NFIB: variants seen among roughly 807,000 people sequenced by gnomAD.
NFIB encodes nuclear factor 1 B-type.
A neutral mutation model predicts 61.5 loss-of-function variants in NFIB; 11 were observed. That is an observed-to-expected ratio of 0.18 (90% CI 0.11 to 0.30). The LOEUF (loss-of-function observed/expected upper bound fraction) is 0.30. Among genes scored for constraint, NFIB ranks in the 10% least tolerant of loss-of-function variants. The pLI is 1.00. For missense variants in NFIB, 471 were observed against 608.9 expected (o/e 0.77, Z 2.38); for synonymous variants, 260 against 216.5 (o/e 1.20, Z -1.76).
chr9:14,140,391 G>A (rs986733814), intron 6 of NFIB, among the ~76,000 whole-genome samples: 3 of 152,012 alleles, frequency 2.0e-5, no homozygotes, highest in African/African-American at 7.3e-5. Context: ...CCAAAGTTTG[G>A]GCCTAGGATT....
At chr9:14,217,522 T>A (rs2051064556) in intron 2 of NFIB, among the ~76,000 whole-genome samples, 2 of 151,548 alleles carry the variant, frequency 1.3e-5, no homozygotes, top group Non-Finnish European at 2.9e-5. Context: ...TGGCTGGGCG[T>A]GGTGGCGCAT....
the NFIB span, among the ~76,000 whole-genome samples, chr9:14,426,842 G>A: frequency 6.6e-6 from 1 of 152,132 alleles, no homozygotes; most frequent in Non-Finnish European, 1.5e-5. Context: ...TCCTGAAGAT[G>A]CAAAGCTCTC....
At chr9:14,284,029 T>C (rs143558339) in intron 2 of NFIB, among the ~76,000 whole-genome samples, 7 of 152,118 alleles carry the variant, frequency 4.6e-5, no homozygotes, top group Non-Finnish European at 5.9e-5. Flanking sequence ...ACTGGAGAAG[T>C]AGTGGGAGTG....
intron 1 of NFIB, among the ~76,000 whole-genome samples, chr9:14,355,825 C>T (rs548275536): frequency 3.3e-5 from 5 of 152,064 alleles, no homozygotes; most frequent in Non-Finnish European, 5.9e-5. Context: ...GTCGTGGTGG[C>T]GGGTGCCTGT....
At chr9:14,530,604 C>A in the NFIB span, among the ~76,000 whole-genome samples, 1 of 152,088 alleles carries the variant, frequency 6.6e-6, no homozygotes, top group East Asian at 1.9e-4. Flanking sequence ...TGAGCTTTCA[C>A]GAGACGCCTA....
chr9:14,502,170 C>T, the NFIB span, among the ~76,000 whole-genome samples: 2 of 152,204 alleles, frequency 1.3e-5, no homozygotes, highest in Non-Finnish European at 2.9e-5. Context: ...TGTAGGGCAG[C>T]ACTCTGTAAT....
chr9:14,343,724 G>A (rs113652261), intron 1 of NFIB, among the ~76,000 whole-genome samples: 185 of 152,044 alleles, frequency 1.2e-3, no homozygotes, highest in African/African-American at 4.3e-3. Flanking sequence ...ACAGGGAGGA[G>A]GGGGCTGGCC....
chr9:14,201,686 C>T (rs920533575), intron 2 of NFIB, among the ~76,000 whole-genome samples: 2 of 151,962 alleles, frequency 1.3e-5, no homozygotes, highest in African/African-American at 2.4e-5. Flanking sequence ...TCCCAACTTA[C>T]CCTGAATAAT....
chr9:14,391,121 T>G (rs989676818), intron 1 of NFIB, among the ~76,000 whole-genome samples: 1 of 152,202 alleles, frequency 6.6e-6, no homozygotes, highest in African/African-American at 2.4e-5. Flanking sequence ...ACATTTTCTT[T>G]TAAAGAGTAA....
chr9:14,427,602 T>A, the NFIB span, among the ~76,000 whole-genome samples: 94 of 152,252 alleles, frequency 6.2e-4, 1 homozygote, highest in Admixed American at 2.0e-3. Context: ...GGAGCTCAGC[T>A]TGGAAGCCCA....
the NFIB span, among the ~76,000 whole-genome samples, chr9:14,436,225 G>A: frequency 6.6e-6 from 1 of 152,188 alleles, no homozygotes; most frequent in Non-Finnish European, 1.5e-5. Flanking sequence ...CATGGCCTCA[G>A]CCTGTTATAA....
intron 2 of NFIB, among the ~76,000 whole-genome samples, chr9:14,197,768 T>C (rs1296331068): frequency 6.6e-6 from 1 of 152,178 alleles, no homozygotes; most frequent in Non-Finnish European, 1.5e-5. Context: ...TGCAGCGCTT[T>C]AGCAAATTTT....
chr9:14,146,447 G>A lies in NFIB; in HGVS notation c.925+242C>T, dbSNP rs559959699. Reference sequence around the variant, plus strand: ...ATAATCAGTCACATACATAATTGTGGGTTCTAAAATATCATTTTGTCTAAA... The same window carrying A: ...ATAATCAGTCACATACATAATTGTGAGTTCTAAAATATCATTTTGTCTAAA... On this transcript the variant is annotated intron_variant, in intron 6 of 10. Transcript: ENST00000380953. Among the ~76,000 whole-genome samples the A allele has an allele frequency of 1.3e-4, 19 of 151,892 alleles. No individual in the cohort carries two copies. The South Asian group carries it at 3.5e-3, about 28-fold the overall frequency.
intron 10 of NFIB, among the ~76,000 whole-genome samples, chr9:14,091,998 C>T (rs1304143374): frequency 6.6e-6 from 1 of 152,088 alleles, no homozygotes; most frequent in Non-Finnish European, 1.5e-5. Flanking sequence ...AAATGTATGA[C>T]ATGGCTCCCC....
rs1350965735 is a variant in NFIB at position 14,329,526 on chromosome 9, C to T, written c.109-22006G>A. Among the ~76,000 whole-genome samples the T allele has an allele frequency of 1.3e-5, 2 of 151,748 alleles. 1 individual carries two copies. Among genetic ancestry groups the T allele is most frequent in the Admixed American group, 1.3e-4 (2 of 15,258 alleles). Reference sequence around the variant, plus strand: ...CTTGTCTTTCTCTTTTTCTTTTTTTCTTTTTTAAGACGGAGTCTCACTCTG... The same window carrying T: ...CTTGTCTTTCTCTTTTTCTTTTTTTTTTTTTTAAGACGGAGTCTCACTCTG... On this transcript the variant is annotated intron_variant, in intron 1 of 8. Coordinates refer to the NFIB transcript ENST00000380934.
At chr9:14,308,568 C>T (rs961746761) in intron 1 of NFIB, among the ~76,000 whole-genome samples, 1 of 152,220 alleles carries the variant, frequency 6.6e-6, no homozygotes, top group African/African-American at 2.4e-5. Context: ...TTGGCACCAA[C>T]TTTACATTCT....
intron 2 of NFIB, 113 bp downstream of exon 2, chr9:14,306,876 G>A: frequency 7.7e-7 from 1 of 1,296,924 alleles, no homozygotes; most frequent in East Asian, 2.3e-5. Context: ...ACCCAGAGAG[G>A]GTGGAGGATA....
chr9:14,290,576 C>T (rs2059024517), intron 2 of NFIB, among the ~76,000 whole-genome samples: 1 of 152,068 alleles, frequency 6.6e-6, no homozygotes, highest in African/African-American at 2.4e-5. Context: ...AACATTAAAA[C>T]TCACAGCAAG....
the NFIB span, among the ~76,000 whole-genome samples, chr9:14,433,141 T>C: frequency 3.9e-5 from 6 of 152,158 alleles, no homozygotes; most frequent in Admixed American, 3.9e-4. Context: ...TACTTACAGT[T>C]GACATTTTCA....
Sources: gnomAD v4.1 joint callset for allele counts (sites outside exome capture counted in the v4.1 genomes callset) on GRCh38, gnomAD v4.1.1 for gene constraint, MANE v1.5 for transcripts, NCBI Gene and HGNC (gene_info 2026-07-23, HGNC 2026-07-21) for gene names.